CCDC141: variants seen among roughly 807,000 people sequenced by gnomAD.
CCDC141 encodes the protein coiled-coil domain-containing protein 141.
Under a neutral mutation model 181.0 loss-of-function variants are expected in CCDC141, and 168 were observed. That is an observed-to-expected ratio of 0.93 (90% CI 0.82 to 1.05). CCDC141 has a LOEUF of 1.05. Ranked by LOEUF, CCDC141 falls within the 50% of genes least tolerant of loss-of-function variation. The probability of loss-of-function intolerance (pLI) is 0.00; values close to 1 mark genes in which losing one functional copy is unlikely to be tolerated. For missense variants in CCDC141, 1,902 were observed against 1,788.5 expected (o/e 1.06, Z -1.14); for synonymous variants, 666 against 642.3 (o/e 1.04, Z -0.56).
At chr2:178,903,350 A>C (rs1465838375) in intron 8 of CCDC141, among the ~76,000 whole-genome samples, 2 of 152,160 alleles carry the variant, frequency 1.3e-5, no homozygotes, top group African/African-American at 4.8e-5. Flanking sequence ...AAGACTTGGA[A>C]CCAACTGAAA....
At chr2:179,028,801 G>A (rs573512855) in intron 2 of CCDC141, among the ~76,000 whole-genome samples, 1 of 152,146 alleles carries the variant, frequency 6.6e-6, no homozygotes. Context: ...CAAAACCCCA[G>A]TCTAAATTCC....
chr2:178,982,118 C>G (rs1254808215), intron 2 of CCDC141, among the ~76,000 whole-genome samples: 1 of 151,982 alleles, frequency 6.6e-6, no homozygotes, highest in Non-Finnish European at 1.5e-5. Context: ...TCTGAACAAG[C>G]CTATATCTAT....
intron 2 of CCDC141, among the ~76,000 whole-genome samples, chr2:179,031,040 A>G (rs1383706344): frequency 6.6e-6 from 1 of 152,094 alleles, no homozygotes. Flanking sequence ...CTGAAAAATG[A>G]CTTGTTCAAA....
Position 178,837,600 on chromosome 2 carries a change from C to A in CCDC141, c.3619G>T (p.Glu1207Ter), listed in dbSNP as rs143529037. 1.4e-5 allele frequency: 22 copies of A among 1,613,872 alleles called. No homozygotes were observed. The highest frequency in any genetic ancestry group is 1.8e-5 in the Non-Finnish European group (21 of 1,179,958). ...GAGATGTCATCAGGTGAGACACACT[C>A]ATATTCTTCCCCTGAGAGCATGTCT... ...PEDMLSGEEY[E>*]CVSPDDISLP... The change falls in exon 23 of 24, where the codon GAG becomes TAG. Residue 1207 changes from glutamate (E) to a stop codon, truncating the protein, a stop_gained. Coordinates refer to ENST00000443758, the MANE Select transcript of CCDC141 (RefSeq NM_173648.4). LOFTEE classifies it high-confidence loss of function.
intron 2 of CCDC141, among the ~76,000 whole-genome samples, chr2:179,039,205 T>C (rs1451758792): frequency 6.6e-6 from 1 of 151,506 alleles, no homozygotes; most frequent in East Asian, 1.9e-4. Flanking sequence ...TCCACTAAGA[T>C]TAAGTACATT....
intron 2 of CCDC141, among the ~76,000 whole-genome samples, chr2:178,985,739 C>A (rs1443975266): frequency 6.6e-6 from 1 of 152,136 alleles, no homozygotes; most frequent in African/African-American, 2.4e-5. Context: ...AATTCCTCGA[C>A]ACATACACTC....
rs2032187489 is a variant in CCDC141 at position 178,885,018 on chromosome 2, T to C, written c.1602A>G (p.Val534=). 1.9e-6 allele frequency: 3 copies of C among 1,550,320 alleles called. No homozygotes were observed. ...GCCATCTAGCTTTAGAGGAAAGTGA[T>C]ACCATTTCATCAGATACAAATTCAT... ...EKNEFVSDEM[V]SLSSKARWLA... Residue 534 remains valine, a synonymous_variant, in exon 11 of 24, where the codon GTA becomes GTG. Coordinates refer to ENST00000443758, the MANE Select transcript of CCDC141 (RefSeq NM_173648.4).
At chr2:178,959,644 A>G (rs1690311307) in intron 5 of CCDC141, among the ~76,000 whole-genome samples, 1 of 152,192 alleles carries the variant, frequency 6.6e-6, no homozygotes, top group African/African-American at 2.4e-5. Context: ...TAATGGCTAG[A>G]GCAGAGTCAG....
intron 23 of CCDC141, chr2:178,836,023 T>A (rs1341927489): frequency 1.3e-5 from 2 of 152,626 alleles, no homozygotes; most frequent in Non-Finnish European, 2.9e-5. Context: ...TAATATCTAC[T>A]GAAACATTGT....
intron 2 of CCDC141, among the ~76,000 whole-genome samples, chr2:178,985,818 A>G (rs1487913324): frequency 6.6e-6 from 1 of 152,180 alleles, no homozygotes; most frequent in African/African-American, 2.4e-5. Flanking sequence ...AATTGTGGCA[A>G]TAATCAATAG....
chr2:178,989,605 A>AAAAT (rs566226723), intron 2 of CCDC141, among the ~76,000 whole-genome samples: 32 of 136,904 alleles, frequency 2.3e-4, no homozygotes, highest in African/African-American at 7.9e-4. Flanking sequence ...AAAAAAAAAA[A>AAAAT]AAATAAATAA....
chr2:178,903,021 G>A (rs1460118077), intron 8 of CCDC141, among the ~76,000 whole-genome samples: 17 of 149,648 alleles, frequency 1.1e-4, no homozygotes, highest in African/African-American at 3.7e-4. Flanking sequence ...CACCATCACT[G>A]GCCATCAGAG....
At chr2:179,015,558 C>CATATATCTCATATATATG (rs2042481628) in intron 2 of CCDC141, among the ~76,000 whole-genome samples, 1 of 23,524 alleles carries the variant, frequency 4.3e-5, no homozygotes, top group African/African-American at 1.2e-4. Context: ...TCTCATATCT[C>CATATATCTCATATATATG]ATATATATCT....
At chr2:178,969,023 C>G (rs570585526) in intron 4 of CCDC141, among the ~76,000 whole-genome samples, 57 of 146,958 alleles carry the variant, frequency 3.9e-4, no homozygotes, top group Non-Finnish European at 6.8e-4. Flanking sequence ...CTCTCCCAAG[C>G]CTAAACCAGG....
Position 178,878,021 on chromosome 2 carries a change from T to G in CCDC141, c.1842A>C (p.Leu614Phe). 1 of 1,613,928 alleles carries G rather than the reference T, an allele frequency of 6.2e-7. No homozygotes were observed. Among genetic ancestry groups the G allele is most frequent in the Non-Finnish European group, 8.5e-7 (1 of 1,179,884 alleles). The change falls in exon 12 of 24, where the codon TTA (leucine) becomes TTC (phenylalanine). Residue 614 changes from leucine (L) to phenylalanine (F), a missense_variant. Physicochemically the swap from Leu to Phe is conservative, Grantham distance 22. Coordinates refer to ENST00000443758, the MANE Select transcript of CCDC141 (RefSeq NM_173648.4). The part of the protein sequence containing the change: ...DSAEKQWQLF[L>F]KKSFITQDLG... ...GATCTTGTGTTATAAAACTCTTCTTTAAAAATAGCTGCCACTGCTTCTCAG... is the reference window on the plus strand; with the variant it reads ...GATCTTGTGTTATAAAACTCTTCTTGAAAAATAGCTGCCACTGCTTCTCAG...
At chr2:178,983,777 AAG>A (rs1691566680) in intron 2 of CCDC141, among the ~76,000 whole-genome samples, 1 of 151,810 alleles carries the variant, frequency 6.6e-6, no homozygotes, top group African/African-American at 2.4e-5. Context: ...AAAGAATAAA[AAG>A]AAATGAGCAA....
chr2:179,007,386 T>C (rs996082173), intron 2 of CCDC141, among the ~76,000 whole-genome samples: 1 of 152,196 alleles, frequency 6.6e-6, no homozygotes, highest in East Asian at 1.9e-4. Flanking sequence ...TTAATAAACA[T>C]GTGAAGTAAA....
chr2:178,994,690 G>A (rs1024205548), intron 2 of CCDC141, among the ~76,000 whole-genome samples: 3 of 152,268 alleles, frequency 2.0e-5, no homozygotes, highest in African/African-American at 7.2e-5. Context: ...TTGTCAACCT[G>A]CAAATTTTCC....
chr2:178,996,399 A>T (rs1692289879), intron 2 of CCDC141, among the ~76,000 whole-genome samples: 1 of 152,186 alleles, frequency 6.6e-6, no homozygotes, highest in Non-Finnish European at 1.5e-5. Flanking sequence ...ATTCTATGGC[A>T]GTGATAGAGG....
Sources: allele counts gnomAD v4.1 joint callset (sites outside exome capture counted in the v4.1 genomes callset), GRCh38; gene constraint gnomAD v4.1.1; transcripts MANE v1.5; gene names NCBI Gene and HGNC (gene_info 2026-07-23, HGNC 2026-07-21).